Variants in ABCA13 observed in about 807,000 individuals in gnomAD.
ABCA13 encodes ATP-binding cassette sub-family A member 13.
ABCA13 carries 476 observed loss-of-function variants against 478.7 expected under a neutral mutation model. The observed-to-expected ratio is 0.99, with a 90% CI of 0.92 to 1.07. The LOEUF (loss-of-function observed/expected upper bound fraction) is 1.07. Ranked by LOEUF, ABCA13 falls within the 50% of genes least tolerant of loss-of-function variation. The probability of loss-of-function intolerance (pLI) is 0.00; values close to 1 mark genes in which losing one functional copy is unlikely to be tolerated. For missense variants in ABCA13, 6,060 were observed against 5,910.6 expected (o/e 1.03, Z -0.83); for synonymous variants, 2,252 against 2,158.9 (o/e 1.04, Z -1.20).
At chr7:48,585,514 A>G (rs1472171880) in intron 56 of ABCA13, among the ~76,000 whole-genome samples, 6 of 152,196 alleles carry the variant, frequency 3.9e-5, no homozygotes, top group Non-Finnish European at 5.9e-5. Context: ...GAAGTTGCAC[A>G]AGTAAAGCCA....
intron 3 of ABCA13, 45 bp from the exon 4 acceptor site, chr7:48,219,309 A>T: frequency 6.4e-7 from 1 of 1,556,114 alleles, no homozygotes; most frequent in Non-Finnish European, 8.6e-7. Context: ...AAGGAAACTT[A>T]TTCTTGTTAA....
chr7:48,531,246 G>A (rs2131052229), intron 55 of ABCA13, among the ~76,000 whole-genome samples: 1 of 152,158 alleles, frequency 6.6e-6, no homozygotes, highest in South Asian at 2.1e-4. Context: ...TGAATATGGT[G>A]TCCTTTCCCA....
intron 19 of ABCA13, among the ~76,000 whole-genome samples, chr7:48,283,272 G>A (rs1797292955): frequency 1.3e-5 from 2 of 152,162 alleles, no homozygotes; most frequent in Admixed American, 1.3e-4. Context: ...CTACTGGGGA[G>A]CGGTATGGAG....
chr7:48,405,933 T>A (rs1818205823), intron 39 of ABCA13, among the ~76,000 whole-genome samples: 1 of 152,212 alleles, frequency 6.6e-6, no homozygotes, highest in South Asian at 2.1e-4. Context: ...AGCGATTAGA[T>A]AGGCGGTATT....
chr7:48,330,481 A>ATCCT (rs1805156678), intron 27 of ABCA13, among the ~76,000 whole-genome samples: 1 of 119,052 alleles, frequency 8.4e-6, no homozygotes, highest in Non-Finnish European at 1.8e-5. Flanking sequence ...TTGTCCATCC[A>ATCCT]TCCGTCCATC....
chr7:48,602,578 T>C (rs1791019214), intron 58 of ABCA13, among the ~76,000 whole-genome samples: 1 of 152,234 alleles, frequency 6.6e-6, no homozygotes, highest in Non-Finnish European at 1.5e-5. Context: ...GTTCCCTTGG[T>C]CTATATATCT....
rs181346349 is a variant in ABCA13, at chr7:48,191,011, C to G, written c.70-1948C>G. On this transcript the variant is annotated intron_variant, in intron 1 of 61. Transcript: ENST00000435803. The stretch of plus-strand genomic sequence containing the variant: ...ATTAAAAATGAAACAGAATAAAAAA[C>G]CCAAGAAAATTATGTGTTTATTATT... Among the ~76,000 whole-genome samples, 847 of 152,020 alleles carry G rather than the reference C, an allele frequency of 5.6e-3. 7 individuals are homozygous for G. The highest frequency in any genetic ancestry group is 0.02 in the African/African-American group (810 of 41,462).
rs62447329 is a variant in ABCA13 at position 48,551,455 on chromosome 7, A to G, written c.14354+23110A>G. Among the ~76,000 whole-genome samples the G allele has an allele frequency of 8.2e-4, 124 of 152,006 alleles. 5 individuals are homozygous for G. Among genetic ancestry groups the G allele is most frequent in the Non-Finnish European group, 1.6e-3 (111 of 67,872 alleles). On this transcript the variant is annotated intron_variant, in intron 55 of 61. Transcript: ENST00000435803. The stretch of plus-strand genomic sequence containing the variant: ...TCAAAAATTTGAATTTCCAGAATCA[A>G]TAGTGAAATATTTTTGAGTTACAGA...
At chr7:48,349,626 G>T (rs988262435) in intron 29 of ABCA13, among the ~76,000 whole-genome samples, 1 of 152,204 alleles carries the variant, frequency 6.6e-6, no homozygotes, top group Non-Finnish European at 1.5e-5. Flanking sequence ...AACCTTGGAA[G>T]CCAGGAGGAT....
chr7:48,480,631 T>C (rs1828659831), intron 45 of ABCA13, among the ~76,000 whole-genome samples: 2 of 152,242 alleles, frequency 1.3e-5, no homozygotes, highest in Non-Finnish European at 2.9e-5. Context: ...GTTTGATTTC[T>C]ACTTTAGACC....
chr7:48,341,348 G>A (rs539151242), intron 29 of ABCA13, among the ~76,000 whole-genome samples: 1 of 152,112 alleles, frequency 6.6e-6, no homozygotes, highest in African/African-American at 2.4e-5. Context: ...GCACCCAGCT[G>A]CTTTCCTAGG....
rs1796095270 is a variant in ABCA13, at chr7:48,274,915, T to TG, written c.5249_5250insG (p.Pro1751SerfsTer13). ...GCTGTGATAGATGTGTACTATGTGC[T>TG]TCCTCATGCTGTAAGGCTCCTGCAG... On this transcript the variant is annotated frameshift_variant, in exon 17 of 62. Transcript: ENST00000435803. LOFTEE classifies it high-confidence loss of function. 6.2e-7 allele frequency: 1 copy of TG among 1,613,828 alleles called. No homozygotes were observed. The highest frequency in any genetic ancestry group is 2.2e-5 in the East Asian group (1 of 44,896).
At chr7:48,300,437 G>A (rs1259284596) in intron 23 of ABCA13, among the ~76,000 whole-genome samples, 2 of 152,156 alleles carry the variant, frequency 1.3e-5, no homozygotes, top group Non-Finnish European at 2.9e-5. Flanking sequence ...GCAAACAAAA[G>A]AAGGTCAGTG....
intron 27 of ABCA13, among the ~76,000 whole-genome samples, chr7:48,318,633 G>A (rs553100614): frequency 4.6e-5 from 7 of 151,398 alleles, no homozygotes; most frequent in East Asian, 1.9e-4. Context: ...ATTGATCTCC[G>A]TATATCCTCA....
chr7:48,369,584 G>C (rs1812316522), intron 32 of ABCA13, among the ~76,000 whole-genome samples: 1 of 152,134 alleles, frequency 6.6e-6, no homozygotes, highest in African/African-American at 2.4e-5. Context: ...TGAGAGATGA[G>C]GATCCAGTTT....
Position 48,633,714 on chromosome 7 carries a change from T to TAA in ABCA13, c.14838-9558_14838-9557dup, listed in dbSNP as rs202096204. ...CAACGTGGTGAAACTCTTTCTCTACTAAAAAAAAAAAAAAAAATACAAAAA... is the reference window on the plus strand; with the variant it reads ...CAACGTGGTGAAACTCTTTCTCTACTAAAAAAAAAAAAAAAAAAATACAAAAA... On this transcript the variant is annotated intron_variant, in intron 59 of 61. Coordinates refer to ENST00000435803, the MANE Select transcript of ABCA13 (RefSeq NM_152701.5). Among the ~76,000 whole-genome samples, 1,166 of 134,228 alleles carry TAA rather than the reference T, an allele frequency of 8.7e-3. 7 individuals carry two copies. The highest frequency in any genetic ancestry group is 0.012 in the Non-Finnish European group (725 of 62,214). 88.1% of individuals were successfully genotyped at this position (134,228 alleles called of 152,430 possible). A position where few individuals can be genotyped will look rare whatever the true frequency, so the allele number is the denominator to read the frequency against.
rs1276596095 is a variant in ABCA13, at chr7:48,392,150, A to T, written c.11873+11A>T. 6.2e-7 allele frequency: 1 copy of T among 1,612,356 alleles called. No individual in the cohort carries two copies. The stretch of plus-strand genomic sequence containing the variant: ...TCAGCAAGTCAATCAGTTAGTAAAC[A>T]GTTGTCTCTCTGCTCCTCCTGCCTC... On this transcript the variant is annotated intron_variant, in intron 38 of 61. Coordinates refer to ENST00000435803, the MANE Select transcript of ABCA13 (RefSeq NM_152701.5).
intron 59 of ABCA13, among the ~76,000 whole-genome samples, chr7:48,623,594 C>T (rs1266858956): frequency 6.6e-6 from 1 of 152,164 alleles, no homozygotes; most frequent in East Asian, 1.9e-4. Context: ...CTAGGCCTGA[C>T]AGTGTGGGTG....
intron 55 of ABCA13, among the ~76,000 whole-genome samples, chr7:48,542,761 T>C (rs1834023808): frequency 6.6e-6 from 1 of 151,738 alleles, no homozygotes; most frequent in Non-Finnish European, 1.5e-5. Context: ...GCAAGTTTTA[T>C]AGATTTAATG....
Sources: gnomAD v4.1 joint callset for allele counts (sites outside exome capture counted in the v4.1 genomes callset) on GRCh38, gnomAD v4.1.1 for gene constraint, MANE v1.5 for transcripts, NCBI Gene and HGNC (gene_info 2026-07-23, HGNC 2026-07-21) for gene names.